The following MDGA2 variants were observed in gnomAD, a reference collection of about 807,000 sequenced individuals.
MDGA2 encodes MAM domain containing glycosylphosphatidylinositol anchor 2.
A neutral mutation model predicts 117.8 loss-of-function variants in MDGA2; 40 were observed. The observed-to-expected ratio is 0.34, with a 90% confidence interval of 0.26 to 0.44. MDGA2 has a LOEUF of 0.44. Among genes scored for constraint, MDGA2 ranks in the 20% least tolerant of loss-of-function variants. The pLI, the probability that MDGA2 is intolerant of heterozygous loss-of-function variation, is 1.00. For synonymous variants in MDGA2, 452 were observed against 439.0 expected, an observed-to-expected ratio of 1.03 and a Z score of -0.37; for missense variants, 1,123 against 1,250.6, an observed-to-expected ratio of 0.90 and a Z score of 1.54.
intron 3 of MDGA2, among the ~76,000 whole-genome samples, chr14:47,178,407 C>T (rs1290585601): frequency 1.3e-5 from 2 of 152,088 alleles, no homozygotes; most frequent in Middle Eastern, 3.2e-3. Context: ...TGGGACTATG[C>T]CTGGTATGCC....
rs549144614 is a variant in MDGA2 at position 47,239,159 on chromosome 14, G to A, written c.421-20964C>T. Among the ~76,000 whole-genome samples, 4 of 150,966 alleles carry A rather than the reference G, an allele frequency of 2.6e-5. No individual in the cohort carries two copies. The East Asian group carries it at 5.8e-4, about 22-fold the overall frequency. On this transcript the variant is annotated intron_variant, in intron 2 of 16. Transcript: ENST00000399232. ...CCTAATATGAACCTCATGCTAGCTT[G>A]GGGGAAACAAAACATATTATGTGAC...
chr14:47,145,243 T>A (rs559488148), intron 3 of MDGA2, among the ~76,000 whole-genome samples: 1 of 152,150 alleles, frequency 6.6e-6, no homozygotes. Context: ...CTGAAAAAGG[T>A]CAATTCATAA....
At chr14:47,200,247 A>T (rs1321704899) in intron 3 of MDGA2, among the ~76,000 whole-genome samples, 1 of 151,984 alleles carries the variant, frequency 6.6e-6, no homozygotes, top group Non-Finnish European at 1.5e-5. Flanking sequence ...ACCAATTATC[A>T]CCACCATATA....
intron 8 of MDGA2, among the ~76,000 whole-genome samples, chr14:46,965,089 A>G (rs1004469024): frequency 7.2e-6 from 1 of 139,474 alleles, no homozygotes; most frequent in Non-Finnish European, 1.5e-5. Context: ...ACGCCCGGCT[A>G]ATTTTTTGCA....
At chr14:47,206,552 C>T (rs2139461568) in intron 3 of MDGA2, among the ~76,000 whole-genome samples, 2 of 152,090 alleles carry the variant, frequency 1.3e-5, no homozygotes, top group East Asian at 3.9e-4. Flanking sequence ...GATCACTCCA[C>T]TGCACTCTGG....
chr14:47,537,355 A>G (rs1473967501), intron 1 of MDGA2, among the ~76,000 whole-genome samples: 1 of 150,612 alleles, frequency 6.6e-6, no homozygotes, highest in Non-Finnish European at 1.5e-5. Context: ...TACCTAATGT[A>G]AATGACGAGT....
chr14:47,462,375 C>CA (rs373508880), intron 1 of MDGA2, among the ~76,000 whole-genome samples: 6,459 of 95,688 alleles, frequency 0.068, 563 homozygotes, highest in African/African-American at 0.23. Flanking sequence ...GACTCCGTCC[C>CA]AAAAAAAAAA....
chr14:47,033,531 C>T (rs1888735994), intron 8 of MDGA2, among the ~76,000 whole-genome samples: 1 of 152,194 alleles, frequency 6.6e-6, no homozygotes, highest in Non-Finnish European at 1.5e-5. Flanking sequence ...AGCAGTTTCA[C>T]TCTCTTTCTT....
intron 5 of MDGA2, among the ~76,000 whole-genome samples, chr14:47,104,482 C>T (rs1880528052): frequency 6.8e-6 from 1 of 146,470 alleles, no homozygotes; most frequent in South Asian, 2.2e-4. Flanking sequence ...GCGACCCCCA[C>T]TCCTACCCGC....
intron 1 of MDGA2, among the ~76,000 whole-genome samples, chr14:47,403,360 TC>T (rs2138468006): frequency 6.6e-6 from 1 of 152,316 alleles, no homozygotes; most frequent in Non-Finnish European, 1.5e-5. Context: ...TTTCCTCTTG[TC>T]CATTCCTTAT....
intron 1 of MDGA2, among the ~76,000 whole-genome samples, chr14:47,492,272 A>C (rs1894185949): frequency 6.6e-6 from 1 of 152,140 alleles, no homozygotes. Flanking sequence ...TTTGGTGTCA[A>C]CAACTAACAC....
chr14:46,949,511 C>G (rs950176322), intron 9 of MDGA2, among the ~76,000 whole-genome samples: 8 of 151,978 alleles, frequency 5.3e-5, no homozygotes, highest in Non-Finnish European at 7.4e-5. Flanking sequence ...CTCCCTTTCT[C>G]TTCTCCAATT....
At chr14:47,287,489 A>C (rs1888728168) in intron 2 of MDGA2, among the ~76,000 whole-genome samples, 1 of 152,114 alleles carries the variant, frequency 6.6e-6, no homozygotes, top group South Asian at 2.1e-4. Context: ...ATACATTGTA[A>C]AGTGGTTAAA....
chr14:47,174,851 A>C (rs1453742652), intron 3 of MDGA2, among the ~76,000 whole-genome samples: 3 of 152,190 alleles, frequency 2.0e-5, no homozygotes, highest in African/African-American at 7.2e-5. Flanking sequence ...AAAATTAATG[A>C]ATCCAGGAGC....
intron 7 of MDGA2, among the ~76,000 whole-genome samples, chr14:47,037,741 G>A (rs1888908422): frequency 6.6e-6 from 1 of 152,058 alleles, no homozygotes; most frequent in Non-Finnish European, 1.5e-5. Flanking sequence ...TGTCAAAACT[G>A]CTTATAAGAT....
chr14:47,511,313 T>C (rs1018947671), intron 1 of MDGA2, among the ~76,000 whole-genome samples: 1 of 152,108 alleles, frequency 6.6e-6, no homozygotes, highest in Non-Finnish European at 1.5e-5. Context: ...AATATGTTTA[T>C]AGAAAAAAAC....
At chr14:47,141,455 T>C (rs1882714545) in intron 4 of MDGA2, among the ~76,000 whole-genome samples, 1 of 152,200 alleles carries the variant, frequency 6.6e-6, no homozygotes, top group South Asian at 2.1e-4. Flanking sequence ...TGGAATACTA[T>C]TCAGCTATGA....
At position 47,629,803 on chromosome 14, in the gene MDGA2, A is replaced by G. The variant is rs184002014; in HGVS notation, c.280+44714T>C. 1.3e-4 allele frequency among the ~76,000 whole-genome samples: 20 copies of G among 152,318 alleles called. No homozygotes were observed. In the East Asian group the frequency reaches 3.5e-3, roughly 26 times the overall value. ...CTCTGCAGCTCATTAGAAAATGTCT[A>G]CTAGAGAAGAAAAGGCTTCCCTTGA... On this transcript the variant is annotated intron_variant, in intron 1 of 16. Transcript: ENST00000399232.
At chr14:46,851,082 C>T (rs529554269) in intron 15 of MDGA2, among the ~76,000 whole-genome samples, 1 of 151,782 alleles carries the variant, frequency 6.6e-6, no homozygotes, top group South Asian at 2.1e-4. Flanking sequence ...TTTTCCAGTC[C>T]CTGTTACAGT....
Sources: gnomAD v4.1 joint callset for allele counts (sites outside exome capture counted in the v4.1 genomes callset) on GRCh38, gnomAD v4.1.1 for gene constraint, MANE v1.5 for transcripts, NCBI Gene and HGNC (gene_info 2026-07-23, HGNC 2026-07-21) for gene names.